ADAM12: variants seen among roughly 807,000 people sequenced by gnomAD.
ADAM12 encodes the protein disintegrin and metalloproteinase domain-containing protein 12.
In ADAM12, 70 loss-of-function variants were observed where a neutral mutation model predicts 106.4. That is an observed-to-expected ratio of 0.66 (90% CI 0.54 to 0.80). ADAM12 has a LOEUF of 0.80. Among genes scored for constraint, ADAM12 ranks in the 30% least tolerant of loss-of-function variants. ADAM12 has a pLI of 0.00. For missense variants in ADAM12, 1,010 were observed against 1,171.9 expected, an observed-to-expected ratio of 0.86 and a Z score of 2.02; for synonymous variants, 420 against 433.5, an observed-to-expected ratio of 0.97 and a Z score of 0.39.
chr10:126,359,811 G>A (rs1855678996), intron 1 of ADAM12, among the ~76,000 whole-genome samples: 1 of 152,224 alleles, frequency 6.6e-6, no homozygotes, highest in Non-Finnish European at 1.5e-5. Flanking sequence ...TGGTGCCCCA[G>A]TAGGGACTCT....
intron 3 of ADAM12, among the ~76,000 whole-genome samples, chr10:126,174,577 C>T (rs1170547072): frequency 6.6e-6 from 1 of 152,146 alleles, no homozygotes; most frequent in Non-Finnish European, 1.5e-5. Context: ...TGTACAATTG[C>T]ATGTTTTTTA....
chr10:126,030,064 T>A (rs995976409), intron 21 of ADAM12, among the ~76,000 whole-genome samples: 1 of 152,222 alleles, frequency 6.6e-6, no homozygotes, highest in African/African-American at 2.4e-5. Flanking sequence ...TCTGGGAATC[T>A]GGAAGGGACA....
In ADAM12 at chr10:126,327,299, A is replaced by G. The variant is rs76169962; in HGVS notation, c.186+3113T>C. On this transcript the variant is annotated intron_variant, in intron 2 of 22. Transcript: ENST00000448723. The stretch of plus-strand genomic sequence containing the variant: ...TGAGTTAGATCTTCATTTTAGGAAA[A>G]CAGTTGTGGAAATCTGTCCGGAAGA... 1.6e-3 allele frequency among the ~76,000 whole-genome samples: 246 copies of G among 152,242 alleles called. 1 individual carries two copies. In the East Asian group the frequency reaches 0.029, roughly 18 times the overall value.
intron 3 of ADAM12, among the ~76,000 whole-genome samples, chr10:126,194,611 A>T (rs1957564112): frequency 6.6e-6 from 1 of 152,258 alleles, no homozygotes; most frequent in Non-Finnish European, 1.5e-5. Context: ...CACACCAATC[A>T]AAACAAATTC....
intron 11 of ADAM12, among the ~76,000 whole-genome samples, chr10:126,086,680 A>AAAAAAATAAATATAT (rs1554966976): frequency 4.1e-5 from 1 of 24,274 alleles, no homozygotes; most frequent in Non-Finnish European, 5.9e-5. Flanking sequence ...AAAAAAAAAA[A>AAAAAAATAAATATAT]ATATATATAT....
chr10:126,066,596 A>T lies in ADAM12; in HGVS notation c.1413+121T>A. On this transcript the variant is annotated intron_variant, in intron 13 of 22. Transcript: ENST00000448723. The surrounding 1 kb of genome is among the most constrained non-coding windows in gnomAD (Gnocchi z 5.1). Reference sequence around the variant, plus strand: ...ACACCAACTGGCGTGAGAAGGAGGGATGGTGCGTGCTGTGGTGAGTGCTGG... The same window carrying T: ...ACACCAACTGGCGTGAGAAGGAGGGTTGGTGCGTGCTGTGGTGAGTGCTGG... The T allele has an allele frequency of 1.2e-6, 1 of 868,544 alleles. No homozygotes were observed. Among genetic ancestry groups the T allele is most frequent in the Admixed American group, 2.1e-5 (1 of 48,598 alleles). The allele number at this position is 868,544 out of a possible 1,614,324, so 53.8% of individuals were successfully genotyped here. A position where few individuals can be genotyped will look rare whatever the true frequency, so the allele number is the denominator to read the frequency against.
chr10:126,059,374 A>G (rs1240340871), intron 14 of ADAM12, among the ~76,000 whole-genome samples: 3 of 152,218 alleles, frequency 2.0e-5, no homozygotes, highest in Admixed American at 1.3e-4. Context: ...TGGAGACTGT[A>G]TTGTCCTTCC....
intron 4 of ADAM12, among the ~76,000 whole-genome samples, chr10:126,146,808 C>T (rs1053047020): frequency 3.9e-5 from 6 of 152,292 alleles, no homozygotes; most frequent in East Asian, 1.9e-4. Flanking sequence ...CTTACCCCCA[C>T]GCCTCTGGCC....
intron 3 of ADAM12, among the ~76,000 whole-genome samples, chr10:126,245,798 T>A (rs1431861754): frequency 1.2e-4 from 19 of 152,032 alleles, no homozygotes; most frequent in Admixed American, 1.2e-3. Context: ...GCATTGGATT[T>A]GGCAAGAAAG....
intron 8 of ADAM12, among the ~76,000 whole-genome samples, chr10:126,105,726 T>C (rs1398395351): frequency 6.6e-6 from 1 of 152,224 alleles, no homozygotes; most frequent in Non-Finnish European, 1.5e-5. Context: ...GAGGTCCAGT[T>C]CTAACTGCCG....
chr10:126,355,745 C>T lies in ADAM12; in HGVS notation c.89-25236G>A, dbSNP rs114172199. Among the ~76,000 whole-genome samples the T allele has an allele frequency of 4.8e-3, 734 of 152,252 alleles. 8 individuals carry two copies. The highest frequency in any genetic ancestry group is 0.017 in the African/African-American group (701 of 41,540). On this transcript the variant is annotated intron_variant, in intron 1 of 22. Coordinates refer to ENST00000448723, the MANE Select transcript of ADAM12 (RefSeq NM_001288973.2). The stretch of plus-strand genomic sequence containing the variant: ...ACTTCATAAAGAATGCTCGAGGTAG[C>T]GGCATGGCGAGACCAGCTGGAGTCA...
At chr10:126,165,281 C>T (rs1957004537) in intron 3 of ADAM12, among the ~76,000 whole-genome samples, 1 of 152,174 alleles carries the variant, frequency 6.6e-6, no homozygotes, top group South Asian at 2.1e-4. Flanking sequence ...AATTCTCCTG[C>T]CTCAGCCTCC....
chr10:126,118,655 G>C (rs1460620637), intron 5 of ADAM12, among the ~76,000 whole-genome samples: 1 of 152,136 alleles, frequency 6.6e-6, no homozygotes, highest in Non-Finnish European at 1.5e-5. Context: ...GTAGCCTTTG[G>C]TTACGTGGAT....
chr10:126,210,036 C>G lies in ADAM12; in HGVS notation c.261-54731G>C, dbSNP rs142558182. On this transcript the variant is annotated intron_variant, in intron 3 of 22. Transcript: ENST00000448723. ...GGATCCTCCGGGTACTACGTTAACT[C>G]TCAGGCTTGGTTTTTGGACTTTCCA... Among the ~76,000 whole-genome samples the G allele has an allele frequency of 6.2e-3, 951 of 152,358 alleles. 5 individuals carry two copies. The highest frequency in any genetic ancestry group is 0.023 in the South Asian group (112 of 4,830).
At chr10:126,312,746 A>G (rs780857278) in intron 2 of ADAM12, among the ~76,000 whole-genome samples, 4 of 152,166 alleles carry the variant, frequency 2.6e-5, no homozygotes, top group African/African-American at 7.2e-5. Context: ...GCAGCAAGCA[A>G]CTGCCTTCTC....
chr10:126,264,761 G>A (rs996277161), intron 3 of ADAM12, among the ~76,000 whole-genome samples: 1 of 151,934 alleles, frequency 6.6e-6, no homozygotes, highest in African/African-American at 2.4e-5. Flanking sequence ...CATTGCCATT[G>A]GAATGGAAAC....
At chr10:126,306,781 T>G (rs1322166998) in intron 2 of ADAM12, among the ~76,000 whole-genome samples, 1 of 152,224 alleles carries the variant, frequency 6.6e-6, no homozygotes, top group Non-Finnish European at 1.5e-5. Context: ...TCTGAATGTT[T>G]AATAGATTTT....
chr10:126,283,233 T>A (rs1959675432), intron 2 of ADAM12, among the ~76,000 whole-genome samples: 2 of 152,094 alleles, frequency 1.3e-5, no homozygotes, highest in African/African-American at 4.8e-5. Flanking sequence ...AGATGTAGCT[T>A]CTCAGCCTGC....
At chr10:126,046,265 C>G in intron 16 of ADAM12, 133 bp from the exon 17 acceptor site, 2 of 761,478 alleles carry the variant, frequency 2.6e-6, no homozygotes, top group Non-Finnish European at 4.6e-6. Flanking sequence ...TCAGTTAATA[C>G]GGATGGAGCA....
Sources: allele counts gnomAD v4.1 joint callset (sites outside exome capture counted in the v4.1 genomes callset), GRCh38; gene constraint gnomAD v4.1.1; non-coding constraint Gnocchi (gnomAD v3.1); transcripts MANE v1.5; gene names NCBI Gene and HGNC (gene_info 2026-07-23, HGNC 2026-07-21).